MGAM: variants seen among roughly 807,000 people sequenced by gnomAD.
The protein encoded by MGAM is maltase-glucoamylase, also known as alpha-1,4-glucosidase.
Under a neutral mutation model 358.8 loss-of-function variants are expected in MGAM, and 253 were observed. That is an observed-to-expected ratio of 0.71 (90% CI 0.64 to 0.78). The LOEUF (loss-of-function observed/expected upper bound fraction) is 0.78. Ranked by LOEUF, MGAM falls within the 30% of genes least tolerant of loss-of-function variation. The pLI, the probability that MGAM is intolerant of heterozygous loss-of-function variation, is 0.00. For missense variants in MGAM, 3,080 were observed against 3,432.6 expected, an observed-to-expected ratio of 0.90 and a Z score of 2.57; for synonymous variants, 1,105 against 1,227.1, an observed-to-expected ratio of 0.90 and a Z score of 2.08.
intron 57 of MGAM, among the ~76,000 whole-genome samples, chr7:142,090,070 C>T (rs1230747014): frequency 6.9e-6 from 1 of 145,908 alleles, no homozygotes; most frequent in African/African-American, 2.4e-5. Flanking sequence ...AAAAAGAGTG[C>T]TAGGTGATCC....
In MGAM at chr7:141,998,655, A is replaced by T. The variant is rs189367416; in HGVS notation, c.-3+2725A>T. On this transcript the variant is annotated intron_variant, in intron 1 of 70. Coordinates refer to ENST00000475668, the MANE Select transcript of MGAM (RefSeq NM_001365693.1). ...CCACATTTTGTTTATTCAGTCTATCATTGATGGGCATTTGGGTTGGTTCCA... is the reference window on the plus strand; with the variant it reads ...CCACATTTTGTTTATTCAGTCTATCTTTGATGGGCATTTGGGTTGGTTCCA... Among the ~76,000 whole-genome samples, 572 of 152,298 alleles carry T rather than the reference A, an allele frequency of 3.8e-3. 2 individuals carry two copies. Among genetic ancestry groups the T allele is most frequent in the African/African-American group, 0.013 (524 of 41,564 alleles).
chr7:142,003,232 T>G (rs1554451244), intron 1 of MGAM, among the ~76,000 whole-genome samples: 1 of 152,024 alleles, frequency 6.6e-6, no homozygotes, highest in Non-Finnish European at 1.5e-5. Flanking sequence ...AAAATTCATA[T>G]GGAACCCTGA....
At chr7:142,100,928 T>C (rs1314829375) in intron 68 of MGAM, 38 bp downstream of exon 68, 1 of 1,558,402 alleles carries the variant, frequency 6.4e-7, no homozygotes, top group Non-Finnish European at 8.8e-7. Flanking sequence ...CTGATGGCAC[T>C]GACTACATTC....
intron 21 of MGAM, among the ~76,000 whole-genome samples, chr7:142,045,076 A>G (rs1453231059): frequency 2.2e-5 from 2 of 89,004 alleles, no homozygotes; most frequent in African/African-American, 8.2e-5. Context: ...ATATACGTGT[A>G]ATATATGATA....
chr7:142,031,632 A>G, intron 12 of MGAM, 48 bp from the exon 13 acceptor site: 4 of 1,294,320 alleles, frequency 3.1e-6, no homozygotes, highest in East Asian at 2.3e-5. Context: ...CCTTTAGTCT[A>G]TATTTGTTTA....
At chr7:142,085,773 C>T in intron 54 of MGAM, 60 bp from the exon 55 acceptor site, 1 of 1,505,852 alleles carries the variant, frequency 6.6e-7, no homozygotes. Context: ...GAGGCTTGTT[C>T]TCCTATAAAG....
chr7:142,003,463 G>T (rs1804895594), intron 1 of MGAM, among the ~76,000 whole-genome samples: 1 of 151,918 alleles, frequency 6.6e-6, no homozygotes, highest in South Asian at 2.1e-4. Context: ...CTGGTGAAAG[G>T]ACTCCCTATT....
intron 44 of MGAM, among the ~76,000 whole-genome samples, chr7:142,072,880 A>C (rs1446275972): frequency 2.7e-5 from 4 of 146,636 alleles, no homozygotes; most frequent in African/African-American, 9.7e-5. Flanking sequence ...AATTTGCCAC[A>C]TGGAGATTCT....
chr7:142,079,827 A>G (rs1457461868), intron 49 of MGAM, among the ~76,000 whole-genome samples: 1 of 146,252 alleles, frequency 6.8e-6, no homozygotes, highest in Non-Finnish European at 1.5e-5. Context: ...CCGAATTCTG[A>G]GTTTTTGTAC....
intron 6 of MGAM, 25 bp from the exon 7 acceptor site, chr7:142,022,243 C>A (rs782620915): frequency 6.3e-7 from 1 of 1,580,416 alleles, no homozygotes; most frequent in South Asian, 1.2e-5. Context: ...GCTCACCCAT[C>A]CTTGTGTTCT....
At chr7:142,073,807 C>T (rs1298890206) in intron 44 of MGAM, among the ~76,000 whole-genome samples, 1 of 146,128 alleles carries the variant, frequency 6.8e-6, no homozygotes, top group Non-Finnish European at 1.5e-5. Flanking sequence ...ACAGTGGTTG[C>T]AGAAGCAGCT....
Position 142,051,084 on chromosome 7 carries a change from T to TA in MGAM, c.2805+220_2805+221insA, listed in dbSNP as rs35461005. Among the ~76,000 whole-genome samples, 753 of 152,182 alleles carry TA rather than the reference T, an allele frequency of 4.9e-3. 4 individuals carry two copies. Among genetic ancestry groups the TA allele is most frequent in the African/African-American group, 0.017 (704 of 41,520 alleles). On this transcript the variant is annotated intron_variant, in intron 24 of 70. Transcript: ENST00000475668. ...TCTCTGCCTATCAGTGTTCCCGTCT[T>TA]TCTAGCTGGTTTCACTTGCTTTTCC...
intron 52 of MGAM, 27 bp downstream of exon 52, chr7:142,082,598 T>G (rs1333138330): frequency 7.0e-7 from 1 of 1,428,698 alleles, no homozygotes; most frequent in African/African-American, 1.4e-5. Context: ...CCTCCCTTAT[T>G]TTGGGGGGAT....
intron 17 of MGAM, 99 bp downstream of exon 17, chr7:142,036,384 C>A: frequency 1.1e-6 from 1 of 878,588 alleles, no homozygotes; most frequent in Admixed American, 2.1e-5. Flanking sequence ...CAACCTCTTA[C>A]CTGGTCTTCA....
rs1445813850 is a variant in MGAM, at chr7:142,077,250, G to A, written c.5493+424G>A. On this transcript the variant is annotated intron_variant, in intron 47 of 70. Coordinates refer to ENST00000475668, the MANE Select transcript of MGAM (RefSeq NM_001365693.1). ...GGAAACTTGTGGTCAGGCTTTGGAG[G>A]TCTTAGTTACCAACTTGAATTAATT... Among the ~76,000 whole-genome samples, 10 of 145,746 alleles carry A rather than the reference G, an allele frequency of 6.9e-5. 1 individual carries two copies. The highest frequency in any genetic ancestry group is 1.6e-4 in the Non-Finnish European group (10 of 64,354).
At chr7:142,044,334 TAATA>T (rs1156636219) in intron 21 of MGAM, among the ~76,000 whole-genome samples, 2 of 140,608 alleles carry the variant, frequency 1.4e-5, no homozygotes, top group African/African-American at 5.1e-5. Flanking sequence ...ATATAATATA[TAATA>T]TATATATAAT....
intron 50 of MGAM, among the ~76,000 whole-genome samples, chr7:142,081,704 G>A (rs1456563024): frequency 6.9e-6 from 1 of 145,484 alleles, no homozygotes; most frequent in Non-Finnish European, 1.6e-5. Context: ...TAGGAATATC[G>A]CTTTGAGTGC....
intron 68 of MGAM, 43 bp downstream of exon 68, chr7:142,100,933 A>G (rs776356070): frequency 2.2e-5 from 34 of 1,548,424 alleles, no homozygotes; most frequent in Non-Finnish European, 3.0e-5. Context: ...GGCACTGACT[A>G]CATTCCTGGA....
intron 50 of MGAM, among the ~76,000 whole-genome samples, chr7:142,081,409 C>T (rs1170234502): frequency 6.9e-6 from 1 of 144,108 alleles, no homozygotes; most frequent in Non-Finnish European, 1.6e-5. Context: ...TTTAATAGGA[C>T]CTGGATGAGA....
Sources: gnomAD v4.1 joint callset for allele counts (sites outside exome capture counted in the v4.1 genomes callset) on GRCh38, gnomAD v4.1.1 for gene constraint, MANE v1.5 for transcripts, NCBI Gene and HGNC (gene_info 2026-07-23, HGNC 2026-07-21) for gene names.